PCDHGA11: variants seen among roughly 807,000 people sequenced by gnomAD.
PCDHGA11 encodes the protein protocadherin gamma subfamily A, 11.
PCDHGA11 carries 39 observed loss-of-function variants against 60.4 expected under a neutral mutation model. That is an observed-to-expected ratio of 0.65 (90% confidence interval 0.50 to 0.84). The LOEUF is 0.84. Among genes scored for constraint, PCDHGA11 ranks in the 40% least tolerant of loss-of-function variants. PCDHGA11 has a pLI of 0.00. For synonymous variants in PCDHGA11, 533 were observed against 510.3 expected (o/e 1.04, Z -0.60); for missense variants, 1,165 against 1,197.7 (o/e 0.97, Z 0.40).
chr5:141,495,982 T>C (rs2099765062), intron 2 of PCDHGA11, among the ~76,000 whole-genome samples: 2 of 152,144 alleles, frequency 1.3e-5, no homozygotes. Context: ...TACTCTTTCT[T>C]TATCTCTCTT....
chr5:141,444,341 T>C (rs909401337), intron 1 of PCDHGA11, among the ~76,000 whole-genome samples: 2 of 151,892 alleles, frequency 1.3e-5, no homozygotes, highest in African/African-American at 4.8e-5. Context: ...CCAGCTAATT[T>C]TGTATTTTTA....
chr5:141,449,916 T>C (rs1453191109), intron 1 of PCDHGA11, among the ~76,000 whole-genome samples: 1 of 151,912 alleles, frequency 6.6e-6, no homozygotes, highest in East Asian at 1.9e-4. Context: ...CATATTTAAA[T>C]TCTACCATAC....
At chr5:141,455,959 G>A (rs112864392) in intron 1 of PCDHGA11, among the ~76,000 whole-genome samples, 2 of 150,430 alleles carry the variant, frequency 1.3e-5, no homozygotes. Flanking sequence ...GTGCAGTGGC[G>A]CGATCTCAGC....
chr5:141,462,883 A>T (rs557432183), intron 1 of PCDHGA11, among the ~76,000 whole-genome samples: 9 of 152,230 alleles, frequency 5.9e-5, no homozygotes, highest in African/African-American at 2.2e-4. Context: ...GAACTATTGC[A>T]GTTTGTTTTG....
chr5:141,454,076 T>A (rs190918056), intron 1 of PCDHGA11, among the ~76,000 whole-genome samples: 2 of 152,352 alleles, frequency 1.3e-5, no homozygotes, highest in East Asian at 3.8e-4. Flanking sequence ...TGATAATGTT[T>A]TCAGTGAAAT....
Position 141,431,559 on chromosome 5 carries a change from C to A in PCDHGA11, c.2433+7899C>A. On this transcript the variant is annotated intron_variant, in intron 1 of 3. Coordinates refer to ENST00000398587, the MANE Select transcript of PCDHGA11 (RefSeq NM_018914.3). The surrounding 1 kb of genome is among the most constrained non-coding windows in gnomAD (Gnocchi z 4.8). ...ACGCAGCTGCTTGTAGTCAACGCTA[C>A]CGACCCTGACGAAGGAGTCAATGCG... is the stretch of plus-strand genomic sequence containing the variant. 6.2e-7 allele frequency: 1 copy of A among 1,614,158 alleles called. No homozygotes were observed. The highest frequency in any genetic ancestry group is 8.5e-7 in the Non-Finnish European group (1 of 1,180,030).
chr5:141,447,208 C>T (rs1226099966), intron 1 of PCDHGA11, among the ~76,000 whole-genome samples: 1 of 152,078 alleles, frequency 6.6e-6, no homozygotes, highest in Non-Finnish European at 1.5e-5. Flanking sequence ...GGCTTGATCT[C>T]GGCTCACTGC....
In PCDHGA11 at chr5:141,423,165, C is replaced by T. The variant is rs1307049367; in HGVS notation, c.1938C>T (p.Ala646=). 11 of 1,613,434 alleles carry T rather than the reference C, an allele frequency of 6.8e-6. No homozygotes were observed. Among genetic ancestry groups the T allele is most frequent in the Admixed American group, 3.3e-5 (2 of 60,016 alleles). Residue 646 remains alanine (A), a synonymous_variant, in exon 1 of 4, where the codon GCC becomes GCT. Transcript: ENST00000398587. ...CGCTCAAGCAGAGCCTCGTGGTGGC[C>T]GTCCAGGACCACGGCCAGCCCCCTC... ...RDALKQSLVV[A]VQDHGQPPLS...
intron 3 of PCDHGA11, among the ~76,000 whole-genome samples, chr5:141,506,598 G>A (rs1056005258): frequency 6.6e-6 from 1 of 152,130 alleles, no homozygotes; most frequent in Non-Finnish European, 1.5e-5. Context: ...CAGTATTAAC[G>A]GATCTCATTG....
intron 1 of PCDHGA11, among the ~76,000 whole-genome samples, chr5:141,473,195 C>T (rs1053769499): frequency 6.6e-6 from 1 of 152,104 alleles, no homozygotes; most frequent in African/African-American, 2.4e-5. Flanking sequence ...GTAAATGTAT[C>T]TTCTAAAAAA....
chr5:141,423,049 C>T lies in PCDHGA11; in HGVS notation c.1822C>T (p.Arg608Cys), dbSNP rs1418805817. 1.9e-6 allele frequency: 3 copies of T among 1,614,094 alleles called. No individual in the cohort carries two copies. The highest frequency in any genetic ancestry group is 2.2e-5 in the East Asian group (1 of 44,890). The change falls in exon 1 of 4, where the codon CGC becomes TGC. Residue 608 changes from arginine to cysteine, a missense_variant. By Grantham distance (180) the Arg-to-Cys change is radical. Transcript: ENST00000398587. ...AGGCCAGAACGCCTGGCTGTCCTATCGCCTGCTTAAGGCCAGCGAGCCGGG... is the reference window on the plus strand; with the variant it reads ...AGGCCAGAACGCCTGGCTGTCCTATTGCCTGCTTAAGGCCAGCGAGCCGGG... ...DSGQNAWLSY[R>C]LLKASEPGLF...
At chr5:141,430,635 T>C (rs1561846344) in intron 1 of PCDHGA11, 1 of 881,828 alleles carries the variant, frequency 1.1e-6, no homozygotes, top group African/African-American at 1.7e-5. Context: ...GAACCATCCC[T>C]GGGAGTATGT....
chr5:141,489,864 T>G lies in PCDHGA11; in HGVS notation c.2434-4943T>G, dbSNP rs1274301673. ...TGGATCGTGAAGCCCAGGCAAGACA[T>G]CAGCTGGTGCTTACTGCTGTGGATG... On this transcript the variant is annotated intron_variant, in intron 1 of 3. Coordinates refer to ENST00000398587, the MANE Select transcript of PCDHGA11 (RefSeq NM_018914.3). This position sits in a 1 kb window ranked among gnomAD's most constrained non-coding sequence, Gnocchi z 4.5. 5 of 1,614,064 alleles carry G rather than the reference T, an allele frequency of 3.1e-6. No individual in the cohort carries two copies. The highest frequency in any genetic ancestry group is 3.4e-6 in the Non-Finnish European group (4 of 1,180,022).
chr5:141,431,356 C>T lies in PCDHGA11; in HGVS notation c.2433+7696C>T. ...ACCCCGAATTGGTGCTGAAACGCGC[C>T]CTGGACCGCGAAGAAAAGGCTGCTC... On this transcript the variant is annotated intron_variant, in intron 1 of 3. Transcript: ENST00000398587. This position sits in a 1 kb window ranked among gnomAD's most constrained non-coding sequence, Gnocchi z 4.8. 6.2e-7 allele frequency: 1 copy of T among 1,614,004 alleles called. No individual in the cohort carries two copies. The highest frequency in any genetic ancestry group is 8.5e-7 in the Non-Finnish European group (1 of 1,180,026).
chr5:141,433,354 T>TCTGC, intron 1 of PCDHGA11: 2 of 602,322 alleles, frequency 3.3e-6, no homozygotes, highest in South Asian at 2.1e-5. Context: ...CCACCTACTG[T>TCTGC]CTGCCTATCT....
Position 141,431,599 on chromosome 5 carries a change from C to T in PCDHGA11, c.2433+7939C>T. On this transcript the variant is annotated intron_variant, in intron 1 of 3. Transcript: ENST00000398587. The surrounding 1 kb of genome is among the most constrained non-coding windows in gnomAD (Gnocchi z 4.8). ...GAGTCAATGCGGAAGTGAGGTATTC[C>T]TTCCGGTATGTGGACGACAAGGCGG... 1 of 1,614,194 alleles carries T rather than the reference C, an allele frequency of 6.2e-7. No individual in the cohort carries two copies. The highest frequency in any genetic ancestry group is 8.5e-7 in the Non-Finnish European group (1 of 1,180,034).
intron 1 of PCDHGA11, among the ~76,000 whole-genome samples, chr5:141,458,663 G>A (rs1045303205): frequency 2.6e-5 from 4 of 151,804 alleles, no homozygotes; most frequent in Admixed American, 6.6e-5. Context: ...TCCACCTCTC[G>A]GGTTCAAGCA....
At chr5:141,427,509 G>T in intron 1 of PCDHGA11, 1 of 588,640 alleles carries the variant, frequency 1.7e-6, no homozygotes, top group Non-Finnish European at 3.2e-6. Flanking sequence ...TGGGACCCTG[G>T]ATTGGGAGCG....
At position 141,432,957 on chromosome 5, in the gene PCDHGA11, C is replaced by T. The variant is rs2097553676; in HGVS notation, c.2433+9297C>T. 1 of 1,614,190 alleles carries T rather than the reference C, an allele frequency of 6.2e-7. No individual in the cohort carries two copies. The highest frequency in any genetic ancestry group is 8.5e-7 in the Non-Finnish European group (1 of 1,180,030). ...CTGCAGGCTTCAGGAGGCGGCTTGA[C>T]AGGAGCGCCGGCGTCGCACTTTGTG... On this transcript the variant is annotated intron_variant, in intron 1 of 3. Coordinates refer to ENST00000398587, the MANE Select transcript of PCDHGA11 (RefSeq NM_018914.3). This position sits in a 1 kb window ranked among gnomAD's most constrained non-coding sequence, Gnocchi z 6.0.
Sources: allele counts gnomAD v4.1 joint callset (sites outside exome capture counted in the v4.1 genomes callset), GRCh38; gene constraint gnomAD v4.1.1; non-coding constraint Gnocchi (gnomAD v3.1); transcripts MANE v1.5; gene names NCBI Gene and HGNC (gene_info 2026-07-23, HGNC 2026-07-21).